Variants in ECHDC1 observed in about 807,000 individuals in gnomAD.
The protein encoded by ECHDC1 is ethylmalonyl-CoA decarboxylase.
In ECHDC1, 29 loss-of-function variants were observed where a neutral mutation model predicts 29.7. The observed-to-expected ratio is 0.98, with a 90% CI of 0.73 to 1.33. ECHDC1 has a LOEUF of 1.33. Ranked by LOEUF, ECHDC1 falls within the 40% of genes most tolerant of loss-of-function variation. The pLI is 0.00. For synonymous variants in ECHDC1, 126 were observed against 123.1 expected, an observed-to-expected ratio of 1.02 and a Z score of -0.15; for missense variants, 328 against 350.0, an observed-to-expected ratio of 0.94 and a Z score of 0.50.
At position 127,290,197 on chromosome 6, in the gene ECHDC1, A is replaced by G. The variant is rs1199703227; in HGVS notation, c.578T>C (p.Leu193Pro). 2 of 1,613,662 alleles carry G rather than the reference A, an allele frequency of 1.2e-6. No homozygotes were observed. Among genetic ancestry groups the G allele is most frequent in the African/African-American group, 2.7e-5 (2 of 75,002 alleles). The change falls in exon 6 of 6, where the codon CTA (leucine) becomes CCA (proline). Residue 193 changes from leucine (L) to proline (P), a missense_variant. Transcript: ENST00000454859. ...IIPSWGGTTR[L>P]VEIIGSRQAL... is the part of the protein sequence containing the mutation. ...TTGTCTACTTCCGATTATTTCAACT[A>G]GCCGGGTGGTGCCACCCCAGCTTGG... is the stretch of plus-strand genomic sequence containing the variant.
intron 3 of ECHDC1, among the ~76,000 whole-genome samples, chr6:127,322,147 A>C (rs1014578871): frequency 2.6e-5 from 4 of 151,936 alleles, no homozygotes; most frequent in Non-Finnish European, 5.9e-5. Flanking sequence ...CTCTACTAAA[A>C]ATACAAAAAT....
intron 3 of ECHDC1, among the ~76,000 whole-genome samples, chr6:127,320,489 G>C (rs1782747764): frequency 6.6e-6 from 1 of 152,122 alleles, no homozygotes; most frequent in South Asian, 2.1e-4. Flanking sequence ...TAGTCTTCAA[G>C]GTAGATTAAG....
At chr6:127,323,281 A>G (rs1783000698) in intron 3 of ECHDC1, among the ~76,000 whole-genome samples, 1 of 152,128 alleles carries the variant, frequency 6.6e-6, no homozygotes, top group African/African-American at 2.4e-5. Context: ...GTATAATCAA[A>G]TGACTTGCAG....
At chr6:127,340,507 A>G (rs187181156) in intron 1 of ECHDC1, among the ~76,000 whole-genome samples, 256 of 152,340 alleles carry the variant, frequency 1.7e-3, no homozygotes, top group Non-Finnish European at 2.5e-3. Flanking sequence ...AGGGAAAATA[A>G]GCTGTCAAGG....
intron 3 of ECHDC1, among the ~76,000 whole-genome samples, chr6:127,321,629 T>C (rs1379846432): frequency 6.6e-6 from 1 of 152,238 alleles, no homozygotes; most frequent in Non-Finnish European, 1.5e-5. Flanking sequence ...TTATGCTATA[T>C]ATTTCTTATA....
At chr6:127,322,911 A>G (rs1275427135) in intron 3 of ECHDC1, among the ~76,000 whole-genome samples, 2 of 152,102 alleles carry the variant, frequency 1.3e-5, no homozygotes, top group African/African-American at 4.8e-5. Context: ...TGATACAACC[A>G]TTTGAGAGAT....
Position 127,307,648 on chromosome 6 carries a change from G to GAAAAAAAAAAAAA in ECHDC1, c.497+7155_497+7167dup, listed in dbSNP as rs71024770. Among the ~76,000 whole-genome samples the GAAAAAAAAAAAAA allele has an allele frequency of 5.8e-3, 280 of 48,574 alleles. 48 individuals are homozygous for GAAAAAAAAAAAAA. The highest frequency in any genetic ancestry group is 0.027 in the South Asian group (33 of 1,234). The allele number at this position is 48,574 out of a possible 152,430, so 31.9% of individuals were successfully genotyped here. A position where few individuals can be genotyped will look rare whatever the true frequency, so the allele number is the denominator to read the frequency against. Reference sequence around the variant, plus strand: ...GGTGACAGAGTGATACTCTGTCTCAGAAAAAAAAAAAAAAGACAGAAAGAA... The same window carrying GAAAAAAAAAAAAA: ...GGTGACAGAGTGATACTCTGTCTCAGAAAAAAAAAAAAAAAAAAAAAAAAAAAGACAGAAAGAA... On this transcript the variant is annotated intron_variant, in intron 5 of 5. Transcript: ENST00000454859.
rs1041771709 is a variant in ECHDC1, at chr6:127,343,545, C to T, written c.-212G>A. The T allele has an allele frequency of 1.4e-4, 22 of 152,210 alleles. No homozygotes were observed. Among genetic ancestry groups the T allele is most frequent in the African/African-American group, 5.3e-4 (22 of 41,440 alleles). The allele number at this position is 152,210 out of a possible 1,614,324, so 9.4% of individuals were successfully genotyped here. On this transcript the variant is annotated 5_prime_UTR_variant, in exon 1 of 6. Coordinates refer to ENST00000454859, the MANE Select transcript of ECHDC1 (RefSeq NM_001002030.2). ...ACTTTATCCCGTTCCCCTGCCGGTTCCCGTGACCCCGGAAATCCCGCTCCT... is the reference window on the plus strand; with the variant it reads ...ACTTTATCCCGTTCCCCTGCCGGTTTCCGTGACCCCGGAAATCCCGCTCCT...
intron 3 of ECHDC1, among the ~76,000 whole-genome samples, chr6:127,319,042 TACATA>T (rs764493798): frequency 1.1e-4 from 17 of 152,352 alleles, no homozygotes; most frequent in Non-Finnish European, 2.1e-4. Context: ...ACATTTAGAT[TACATA>T]AAATTCCAAT....
intron 1 of ECHDC1, among the ~76,000 whole-genome samples, chr6:127,335,831 C>A (rs1377638735): frequency 6.6e-6 from 1 of 152,054 alleles, no homozygotes; most frequent in Non-Finnish European, 1.5e-5. Context: ...ACTTTAATGT[C>A]TTCATCTATT....
At chr6:127,333,338 T>C (rs1320612321) in intron 1 of ECHDC1, among the ~76,000 whole-genome samples, 1 of 152,210 alleles carries the variant, frequency 6.6e-6, no homozygotes, top group African/African-American at 2.4e-5. Context: ...CTTAGTGATT[T>C]TGGGGTCCTG....
Position 127,327,112 on chromosome 6 carries a change from T to C in ECHDC1, c.253A>G (p.Ile85Val), listed in dbSNP as rs772749407. The change falls in exon 3 of 6, where the codon ATT becomes GTT. Residue 85 changes from isoleucine (I) to valine (V), a missense_variant. Coordinates refer to ENST00000454859, the MANE Select transcript of ECHDC1 (RefSeq NM_001002030.2). Reference sequence around the variant, plus strand: ...CCCTCTGTCCAATTTTCCAATTCAATTACTTTTTCCAGAAGTTGTAGCATC... The same window carrying C: ...CCCTCTGTCCAATTTTCCAATTCAACTACTTTTTCCAGAAGTTGTAGCATC... ...VMMLQLLEKV[I>V]ELENWTEGKG... 2 of 1,614,004 alleles carry C rather than the reference T, an allele frequency of 1.2e-6. No individual in the cohort carries two copies. Among genetic ancestry groups the C allele is most frequent in the Middle Eastern group, 1.7e-4 (1 of 6,060 alleles).
intron 5 of ECHDC1, among the ~76,000 whole-genome samples, chr6:127,293,467 C>A (rs1426134779): frequency 6.6e-6 from 1 of 152,114 alleles, no homozygotes; most frequent in Non-Finnish European, 1.5e-5. Context: ...CATATCCACA[C>A]ATTGTAAAAT....
intron 5 of ECHDC1, among the ~76,000 whole-genome samples, chr6:127,313,981 G>A (rs1289508781): frequency 6.6e-6 from 1 of 152,124 alleles, no homozygotes; most frequent in South Asian, 2.1e-4. Context: ...CTTGCTCAAA[G>A]TCAAGTAGAT....
At chr6:127,317,621 A>G (rs1782497000) in intron 3 of ECHDC1, among the ~76,000 whole-genome samples, 1 of 152,184 alleles carries the variant, frequency 6.6e-6, no homozygotes, top group East Asian at 1.9e-4. Context: ...TCTATAAAAG[A>G]TTGCATAAGT....
At chr6:127,320,793 A>G (rs1049347818) in intron 3 of ECHDC1, among the ~76,000 whole-genome samples, 8 of 152,142 alleles carry the variant, frequency 5.3e-5, no homozygotes, top group African/African-American at 1.9e-4. Context: ...TACCATCTGA[A>G]CCAAGAATTA....
At chr6:127,335,040 T>A (rs2114698901) in intron 1 of ECHDC1, among the ~76,000 whole-genome samples, 1 of 152,160 alleles carries the variant, frequency 6.6e-6, no homozygotes, top group Middle Eastern at 3.4e-3. Flanking sequence ...AAATAACTCA[T>A]CACGCAGCCA....
chr6:127,294,279 A>G (rs1378532194), intron 5 of ECHDC1, among the ~76,000 whole-genome samples: 3 of 152,232 alleles, frequency 2.0e-5, no homozygotes, highest in Non-Finnish European at 2.9e-5. Context: ...GGCCAAAGAC[A>G]ACAAAGTAAA....
At chr6:127,309,514 C>G (rs1562314578) in intron 5 of ECHDC1, among the ~76,000 whole-genome samples, 1 of 59,430 alleles carries the variant, frequency 1.7e-5, no homozygotes, top group African/African-American at 4.5e-5. Flanking sequence ...CACACACACA[C>G]ACACACACAC....
Sources: gnomAD v4.1 joint callset for allele counts (sites outside exome capture counted in the v4.1 genomes callset) on GRCh38, gnomAD v4.1.1 for gene constraint, MANE v1.5 for transcripts, NCBI Gene and HGNC (gene_info 2026-07-23, HGNC 2026-07-21) for gene names.